The following CDH13 variants were observed in gnomAD, a reference collection of about 807,000 sequenced individuals.
CDH13 encodes the protein cadherin-13.
In CDH13, 24 loss-of-function variants were observed where a neutral mutation model predicts 63.8. The observed-to-expected ratio is 0.38, with a 90% CI of 0.27 to 0.53. The LOEUF (loss-of-function observed/expected upper bound fraction) is 0.53, where lower values mean the gene tolerates loss of function less well. Ranked by LOEUF, CDH13 falls within the 20% of genes least tolerant of loss-of-function variation. The pLI is 0.85. For synonymous variants in CDH13, 503 were observed against 355.3 expected, an observed-to-expected ratio of 1.42 and a Z score of -4.67; for missense variants, 1,049 against 903.1, an observed-to-expected ratio of 1.16 and a Z score of -2.07.
At chr16:83,053,264 A>G (rs1291373313) in intron 3 of CDH13, among the ~76,000 whole-genome samples, 1 of 152,172 alleles carries the variant, frequency 6.6e-6, no homozygotes, top group Non-Finnish European at 1.5e-5. Flanking sequence ...AACTTAATAT[A>G]GGAGTTAAAA....
intron 5 of CDH13, among the ~76,000 whole-genome samples, chr16:83,300,145 A>G (rs1029968295): frequency 6.6e-6 from 1 of 152,244 alleles, no homozygotes; most frequent in Non-Finnish European, 1.5e-5. Context: ...AGCTGGGATC[A>G]TTAAAGACCA....
At chr16:82,765,165 A>G (rs1016713) in intron 1 of CDH13, among the ~76,000 whole-genome samples, 50,231 of 151,956 alleles carry the variant, frequency 0.33, 8,918 homozygotes, top group East Asian at 0.46. Flanking sequence ...GTCAGAACAA[A>G]CTGAATATTG....
At chr16:82,762,446 G>T (rs572879432) in intron 1 of CDH13, among the ~76,000 whole-genome samples, 1 of 152,326 alleles carries the variant, frequency 6.6e-6, no homozygotes, top group South Asian at 2.1e-4. Flanking sequence ...AGCTACCACA[G>T]AGTATTAATA....
At chr16:83,142,457 C>G (rs553194592) in intron 4 of CDH13, among the ~76,000 whole-genome samples, 1 of 152,198 alleles carries the variant, frequency 6.6e-6, no homozygotes, top group African/African-American at 2.4e-5. Flanking sequence ...TGCCTGGTTG[C>G]CTTGGGCCAT....
intron 5 of CDH13, among the ~76,000 whole-genome samples, chr16:83,240,420 G>A (rs1462918324): frequency 6.6e-6 from 1 of 152,118 alleles, no homozygotes; most frequent in Non-Finnish European, 1.5e-5. Context: ...GATTGGAGGG[G>A]AATTCAGTGG....
chr16:83,506,386 A>T (rs1039479079), intron 7 of CDH13, among the ~76,000 whole-genome samples: 6 of 152,174 alleles, frequency 3.9e-5, no homozygotes, highest in African/African-American at 1.2e-4. Flanking sequence ...AACAGATGAA[A>T]GGGAGGAGAG....
At chr16:82,645,692 G>A (rs1910007517) in intron 1 of CDH13, among the ~76,000 whole-genome samples, 1 of 152,162 alleles carries the variant, frequency 6.6e-6, no homozygotes. Flanking sequence ...ATTACTAGGA[G>A]GCTGGAATCT....
chr16:82,749,128 A>G (rs1294444171), intron 1 of CDH13, among the ~76,000 whole-genome samples: 1 of 152,094 alleles, frequency 6.6e-6, no homozygotes, highest in Non-Finnish European at 1.5e-5. Flanking sequence ...GTTGGATAAA[A>G]AGCCCGACAG....
intron 1 of CDH13, among the ~76,000 whole-genome samples, chr16:82,842,574 A>G (rs1032160866): frequency 6.6e-6 from 1 of 152,090 alleles, no homozygotes; most frequent in African/African-American, 2.4e-5. Context: ...TGCTGTTTCT[A>G]TGAGGTCAGA....
intron 6 of CDH13, among the ~76,000 whole-genome samples, chr16:83,464,850 C>G (rs1354881154): frequency 6.6e-6 from 1 of 152,118 alleles, no homozygotes; most frequent in East Asian, 1.9e-4. Context: ...ACCAAGTTGC[C>G]CAGGTGGGTC....
chr16:83,019,620 C>G (rs545699688), intron 2 of CDH13, among the ~76,000 whole-genome samples: 6 of 151,400 alleles, frequency 4.0e-5, no homozygotes, highest in African/African-American at 1.5e-4. Flanking sequence ...CCAAGCATCC[C>G]GGTTAGTTGG....
intron 5 of CDH13, among the ~76,000 whole-genome samples, chr16:83,286,934 C>T (rs2089332409): frequency 6.6e-6 from 1 of 152,170 alleles, no homozygotes; most frequent in South Asian, 2.1e-4. Flanking sequence ...ACTTGTCCCC[C>T]TGCCATGCCC....
At chr16:83,231,538 A>T (rs1232562272) in intron 5 of CDH13, among the ~76,000 whole-genome samples, 1 of 152,162 alleles carries the variant, frequency 6.6e-6, no homozygotes, top group Non-Finnish European at 1.5e-5. Flanking sequence ...CTTCAGGAAG[A>T]GCACAGAGGG....
At chr16:83,703,726 A>C (rs1170989700) in intron 10 of CDH13, among the ~76,000 whole-genome samples, 2 of 152,224 alleles carry the variant, frequency 1.3e-5, no homozygotes, top group African/African-American at 4.8e-5. Context: ...TTAAGAAACA[A>C]GGGGCAAGGA....
intron 7 of CDH13, among the ~76,000 whole-genome samples, chr16:83,560,929 G>C (rs796635798): frequency 6.6e-6 from 1 of 151,742 alleles, no homozygotes; most frequent in Non-Finnish European, 1.5e-5. Flanking sequence ...GCTGAGGGTT[G>C]GGCAGATTAA....
At chr16:83,020,664 G>A (rs538363596) in intron 2 of CDH13, among the ~76,000 whole-genome samples, 3 of 152,316 alleles carry the variant, frequency 2.0e-5, no homozygotes, top group Non-Finnish European at 4.4e-5. Context: ...GATCCATGGG[G>A]CTGGCCTAGG....
At chr16:82,642,951 C>G (rs779667921) in intron 1 of CDH13, among the ~76,000 whole-genome samples, 7 of 152,144 alleles carry the variant, frequency 4.6e-5, no homozygotes, top group Admixed American at 6.5e-5. Flanking sequence ...TCCAGACACA[C>G]AAGACCACAT....
At chr16:82,781,664 T>C (rs1398929583) in intron 1 of CDH13, among the ~76,000 whole-genome samples, 1 of 152,190 alleles carries the variant, frequency 6.6e-6, no homozygotes, top group Non-Finnish European at 1.5e-5. Flanking sequence ...ATCTATCTAT[T>C]CAACCTTTCA....
rs2091663051 is a variant in CDH13 at position 83,385,859 on chromosome 16, G to A, written c.781+40853G>A. On this transcript the variant is annotated intron_variant, in intron 6 of 13. Transcript: ENST00000567109. ...AGAAAATGAAAGAAAAAACTGACAG[G>A]CCAATGTACTGACTGCTCTCTCACC... Among the ~76,000 whole-genome samples the A allele has an allele frequency of 2.6e-5, 4 of 152,206 alleles. No homozygotes were observed. The South Asian group carries it at 6.2e-4, about 24-fold the overall frequency.
Sources: gnomAD v4.1 joint callset for allele counts (sites outside exome capture counted in the v4.1 genomes callset) on GRCh38, gnomAD v4.1.1 for gene constraint, MANE v1.5 for transcripts, NCBI Gene and HGNC (gene_info 2026-07-23, HGNC 2026-07-21) for gene names.